Variants in PID1 observed in about 807,000 individuals in gnomAD.
PID1 encodes PTB-containing, cubilin and LRP1-interacting protein.
A neutral mutation model predicts 19.1 loss-of-function variants in PID1; 10 were observed. That is an observed-to-expected ratio of 0.52 (90% CI 0.32 to 0.89). PID1 has a LOEUF of 0.89. Ranked by LOEUF, PID1 falls within the 40% of genes least tolerant of loss-of-function variation. The pLI is 0.03. For missense variants in PID1, 248 were observed against 285.3 expected (o/e 0.87, Z 0.94); for synonymous variants, 130 against 116.0 (o/e 1.12, Z -0.78).
At chr2:229,162,671 G>GA (rs977162039) in intron 1 of PID1, among the ~76,000 whole-genome samples, 8 of 152,172 alleles carry the variant, frequency 5.3e-5, no homozygotes, top group Non-Finnish European at 1.2e-4. Flanking sequence ...CAAGTGCACA[G>GA]AAAACACTAG....
chr2:229,128,213 G>C (rs1304459182), intron 2 of PID1, among the ~76,000 whole-genome samples: 1 of 152,192 alleles, frequency 6.6e-6, no homozygotes, highest in East Asian at 1.9e-4. Flanking sequence ...CAGGAAAAAA[G>C]ATGACATTTG....
chr2:229,245,891 G>C (rs1689989813), intron 1 of PID1, among the ~76,000 whole-genome samples: 1 of 152,032 alleles, frequency 6.6e-6, no homozygotes, highest in Non-Finnish European at 1.5e-5. Context: ...TTAGGCCAAG[G>C]GAATGTTTAA....
chr2:229,258,826 C>T (rs187967976), intron 1 of PID1, among the ~76,000 whole-genome samples: 207 of 144,286 alleles, frequency 1.4e-3, no homozygotes, highest in Non-Finnish European at 2.4e-3. Flanking sequence ...GGCGCCACTG[C>T]ACTCCAGCCT....
chr2:229,223,020 T>C (rs1357580775), intron 1 of PID1, among the ~76,000 whole-genome samples: 1 of 152,158 alleles, frequency 6.6e-6, no homozygotes, highest in Non-Finnish European at 1.5e-5. Flanking sequence ...ATAAATACTA[T>C]TGCAGTTAAC....
rs1433597072 is a variant in PID1, at chr2:229,191,373, C to A, written c.31-35409G>T. ...GAGGGAGCTTCTAAGGATGCCAACACCCTCTCTCAAGAGAAAGGAATGAAA... is the reference window on the plus strand; with the variant it reads ...GAGGGAGCTTCTAAGGATGCCAACAACCTCTCTCAAGAGAAAGGAATGAAA... On this transcript the variant is annotated intron_variant, in intron 1 of 2. Coordinates refer to ENST00000392055, the MANE Select transcript of PID1 (RefSeq NM_001100818.2). 4.6e-5 allele frequency among the ~76,000 whole-genome samples: 7 copies of A among 152,280 alleles called. No homozygotes were observed. In the East Asian group the frequency reaches 1.4e-3, roughly 29 times the overall value.
chr2:229,232,703 T>C (rs929225565), intron 1 of PID1, among the ~76,000 whole-genome samples: 1 of 149,728 alleles, frequency 6.7e-6, no homozygotes, highest in Non-Finnish European at 1.5e-5. Flanking sequence ...CATATATATA[T>C]ATACACACAT....
At chr2:229,114,962 G>A (rs541950504) in intron 2 of PID1, among the ~76,000 whole-genome samples, 94 of 151,930 alleles carry the variant, frequency 6.2e-4, no homozygotes, top group Admixed American at 6.6e-4. Flanking sequence ...TCTCCAGATC[G>A]TTTTTCACAT....
At chr2:229,071,442 G>A (rs1291270430) in intron 2 of PID1, among the ~76,000 whole-genome samples, 1 of 150,762 alleles carries the variant, frequency 6.6e-6, no homozygotes, top group Non-Finnish European at 1.5e-5. Context: ...CAAGCACTCT[G>A]TTAAGGACTC....
chr2:229,088,854 T>C (rs768975916), intron 2 of PID1, among the ~76,000 whole-genome samples: 12 of 152,184 alleles, frequency 7.9e-5, no homozygotes, highest in Non-Finnish European at 1.6e-4. Flanking sequence ...GATTCATCTT[T>C]GTCCAGGTTC....
chr2:229,122,459 T>G (rs1229690374), intron 2 of PID1, among the ~76,000 whole-genome samples: 2 of 152,088 alleles, frequency 1.3e-5, no homozygotes, highest in Non-Finnish European at 2.9e-5. Flanking sequence ...TTCTCTTCCC[T>G]GTAAAACCCT....
At chr2:229,109,074 A>G (rs1331297747) in intron 2 of PID1, among the ~76,000 whole-genome samples, 3 of 152,204 alleles carry the variant, frequency 2.0e-5, no homozygotes, top group African/African-American at 7.2e-5. Context: ...GAAATACGAG[A>G]GGAAGCTCAC....
At chr2:229,198,512 T>A (rs1236945372) in intron 1 of PID1, among the ~76,000 whole-genome samples, 1 of 152,090 alleles carries the variant, frequency 6.6e-6, no homozygotes, top group African/African-American at 2.4e-5. Context: ...GCCTTCTTCA[T>A]GTCTTTAACT....
intron 2 of PID1, among the ~76,000 whole-genome samples, chr2:229,118,737 T>G (rs1198450915): frequency 6.6e-6 from 1 of 152,120 alleles, no homozygotes; most frequent in African/African-American, 2.4e-5. Flanking sequence ...ATGAAAGGAC[T>G]TTAAGTAAAA....
chr2:229,082,646 G>A (rs1694690680), intron 2 of PID1, among the ~76,000 whole-genome samples: 1 of 152,216 alleles, frequency 6.6e-6, no homozygotes, highest in Non-Finnish European at 1.5e-5. Context: ...CTGGCCTTTA[G>A]AGCAGAGAGT....
intron 1 of PID1, among the ~76,000 whole-genome samples, chr2:229,224,878 T>G (rs765899162): frequency 2.0e-5 from 3 of 151,992 alleles, no homozygotes; most frequent in Non-Finnish European, 2.9e-5. Flanking sequence ...CCTGAGATAC[T>G]GTTTTGTAGC....
Position 229,156,048 on chromosome 2 carries a change from C to T in PID1, c.31-84G>A, listed in dbSNP as rs1347864223. 4 of 1,284,000 alleles carry T rather than the reference C, an allele frequency of 3.1e-6. No individual in the cohort carries two copies. In the East Asian group the frequency reaches 9.4e-5, roughly 30 times the overall value. 79.5% of individuals were successfully genotyped at this position (1,284,000 alleles called of 1,614,324 possible). A position where few individuals can be genotyped will look rare whatever the true frequency, so the allele number is the denominator to read the frequency against. On this transcript the variant is annotated intron_variant, in intron 1 of 2. Transcript: ENST00000392055. ...AATTGTACATTAAACCCAGTAGCAA[C>T]TTGTTTTATTGACTCTGTTCTATTA...
chr2:229,258,861 C>CAAA (rs60923610), intron 1 of PID1, among the ~76,000 whole-genome samples: 4 of 66,982 alleles, frequency 6.0e-5, no homozygotes, highest in Middle Eastern at 6.6e-3. Flanking sequence ...GACTCCGTCT[C>CAAA]AAAAAAAAAA....
chr2:229,122,347 C>T lies in PID1; in HGVS notation c.177+33471G>A, dbSNP rs7576438. ...TTAACGGCCTTAGCAGGCATATCCC[C>T]GTGGGGCTCTGGTAGGGAAAAGTCC... On this transcript the variant is annotated intron_variant, in intron 2 of 2. Transcript: ENST00000392055. Among the ~76,000 whole-genome samples the T allele has an allele frequency of 7.7e-3, 1,174 of 152,230 alleles. 17 individuals are homozygous for T. The highest frequency in any genetic ancestry group is 0.027 in the African/African-American group (1,127 of 41,534).
At chr2:229,193,089 T>C (rs1321819438) in intron 1 of PID1, among the ~76,000 whole-genome samples, 7 of 152,200 alleles carry the variant, frequency 4.6e-5, no homozygotes, top group Admixed American at 4.6e-4. Flanking sequence ...TACTCTATCT[T>C]GTGATTTAAT....
Sources: gnomAD v4.1 joint callset for allele counts (sites outside exome capture counted in the v4.1 genomes callset) on GRCh38, gnomAD v4.1.1 for gene constraint, MANE v1.5 for transcripts, NCBI Gene and HGNC (gene_info 2026-07-23, HGNC 2026-07-21) for gene names.